Variants in FIBCD1 observed in about 807,000 individuals in gnomAD.
FIBCD1 encodes the protein fibrinogen C domain containing 1, also known as fibrinogen C domain-containing protein 1.
FIBCD1 carries 47 observed loss-of-function variants against 45.1 expected under a neutral mutation model. The ratio of observed to expected loss-of-function variants is 1.04; its 90% CI spans 0.82 to 1.33. FIBCD1 has a LOEUF of 1.33. Among genes scored for constraint, FIBCD1 ranks in the 40% most tolerant of loss-of-function variants. The pLI is 0.00. For missense variants in FIBCD1, 653 were observed against 682.2 expected (o/e 0.96, Z 0.48); for synonymous variants, 313 against 308.1 (o/e 1.02, Z -0.17).
rs1832367349 is a variant in FIBCD1 at position 130,926,663 on chromosome 9, T to C, written c.553-2267A>G. Among the ~76,000 whole-genome samples the C allele has an allele frequency of 1.3e-5, 2 of 151,390 alleles. No homozygotes were observed. Among genetic ancestry groups the C allele is most frequent in the Admixed American group, 6.6e-5 (1 of 15,202 alleles). On this transcript the variant is annotated intron_variant, in intron 2 of 6. Coordinates refer to ENST00000372338, the MANE Select transcript of FIBCD1 (RefSeq NM_032843.5). The surrounding 1 kb of genome is among the most constrained non-coding windows in gnomAD (Gnocchi z 4.1). ...GGTGAAACTCTGTGTCTACTAAAAA[T>C]ACAAAAAAATTAGCCGGGCGTGGTG...
Position 130,929,920 on chromosome 9 carries a change from C to G in FIBCD1, c.199G>C (p.Val67Leu). 6.5e-7 allele frequency: 1 copy of G among 1,549,122 alleles called. No individual in the cohort carries two copies. Among genetic ancestry groups the G allele is most frequent in the Non-Finnish European group, 8.7e-7 (1 of 1,146,336 alleles). Residue 67 changes from valine to leucine, a missense_variant, in exon 2 of 7, where the codon GTC (valine) becomes CTC (leucine). By Grantham distance (32) the Val-to-Leu change is conservative (BLOSUM62 1). Transcript: ENST00000372338. Reference protein sequence around the residue: ...AHAPGTAPPPVVSTGAASANS... With the variant: ...AHAPGTAPPPLVSTGAASANS... ...GCGCTGGCAGCCCCAGTGCTGACGA[C>G]AGGTGGGGGCGCCGTGCCCGGCGCG...
Position 130,924,345 on chromosome 9 carries a change from C to CGCT in FIBCD1, c.601_603dup (p.Ser201dup). 2 of 1,609,050 alleles carry CGCT rather than the reference C, an allele frequency of 1.2e-6. No homozygotes were observed. The highest frequency in any genetic ancestry group is 1.7e-6 in the Non-Finnish European group (2 of 1,178,892). On this transcript the variant is annotated inframe_insertion, in exon 3 of 7. Coordinates refer to ENST00000372338, the MANE Select transcript of FIBCD1 (RefSeq NM_032843.5). ...TCCCTCTGCAGGGCATCCAGGATGT[C>CGCT]GCTGACGGAGTTCACCAGGTGAGCC...
chr9:130,924,949 A>G (rs576854591), intron 2 of FIBCD1, among the ~76,000 whole-genome samples: 2 of 152,232 alleles, frequency 1.3e-5, no homozygotes, highest in East Asian at 1.9e-4. Context: ...AAGTTCCCAC[A>G]GCACCTTCCA....
chr9:130,904,037 G>C lies in FIBCD1; in HGVS notation c.*27C>G, dbSNP rs772387555. ...GTCGGGGATGGGGCGACAGGGACCA[G>C]CAGGGCCAAGGACAAGGTGCACCAG... On this transcript the variant is annotated 3_prime_UTR_variant, in exon 7 of 7. Transcript: ENST00000372338. 19 of 1,609,196 alleles carry C rather than the reference G, an allele frequency of 1.2e-5. No individual in the cohort carries two copies. Among genetic ancestry groups the C allele is most frequent in the Non-Finnish European group, 1.6e-5 (19 of 1,178,532 alleles).
chr9:130,932,049 G>A (rs1034008398), intron 1 of FIBCD1, among the ~76,000 whole-genome samples: 1 of 152,234 alleles, frequency 6.6e-6, no homozygotes, highest in Non-Finnish European at 1.5e-5. Context: ...TGTCGTCAAT[G>A]CTGGGACGCA....
intron 2 of FIBCD1, 142 bp downstream of exon 2, chr9:130,929,425 T>C: frequency 9.0e-7 from 1 of 1,115,290 alleles, no homozygotes; most frequent in Non-Finnish European, 1.2e-6. Flanking sequence ...TGGGCTTGTC[T>C]GTAGATGGGA....
intron 4 of FIBCD1, among the ~76,000 whole-genome samples, chr9:130,921,525 G>A (rs369537591): frequency 7.9e-5 from 12 of 152,236 alleles, no homozygotes; most frequent in South Asian, 2.1e-4. Context: ...CAGGGCTGGC[G>A]GGGATTTCCT....
chr9:130,921,181 C>T (rs1317157017), intron 4 of FIBCD1, among the ~76,000 whole-genome samples: 1 of 152,226 alleles, frequency 6.6e-6, no homozygotes, highest in Non-Finnish European at 1.5e-5. Flanking sequence ...TGTCCAGCCC[C>T]AGGGTCTCGG....
intron 3 of FIBCD1, 149 bp from the exon 4 acceptor site, chr9:130,924,029 C>T (rs901715458): frequency 2.2e-6 from 3 of 1,364,636 alleles, no homozygotes; most frequent in Non-Finnish European, 3.0e-6. Flanking sequence ...GGCTCTGCCA[C>T]TCCCTGCTGT....
At chr9:130,923,597 C>T in intron 4 of FIBCD1, 147 bp downstream of exon 4, 1 of 1,280,726 alleles carries the variant, frequency 7.8e-7, no homozygotes, top group Admixed American at 2.1e-5. Context: ...TGGGGTCAGG[C>T]CAGGCAGAAG....
At chr9:130,934,515 C>T (rs1832490189) in intron 1 of FIBCD1, among the ~76,000 whole-genome samples, 1 of 152,184 alleles carries the variant, frequency 6.6e-6, no homozygotes, top group Non-Finnish European at 1.5e-5. Flanking sequence ...CCAGCCTCTG[C>T]CCCTCCGGGA....
chr9:130,912,723 C>T (rs142700290), intron 4 of FIBCD1, among the ~76,000 whole-genome samples: 472 of 151,668 alleles, frequency 3.1e-3, no homozygotes, highest in Middle Eastern at 0.014. Flanking sequence ...AAAAGGGAAT[C>T]TCGGTGGGGT....
chr9:130,927,112 G>A (rs1191903149), intron 2 of FIBCD1, among the ~76,000 whole-genome samples: 1 of 152,064 alleles, frequency 6.6e-6, no homozygotes, highest in East Asian at 1.9e-4. Flanking sequence ...ACATGGTGGT[G>A]CACACTTGTA....
intron 2 of FIBCD1, 151 bp downstream of exon 2, chr9:130,929,416 G>A (rs1326129957): frequency 1.2e-5 from 12 of 1,031,164 alleles, no homozygotes; most frequent in African/African-American, 1.7e-5. Context: ...TGAGCTTCAT[G>A]GGCTTGTCTG....
Position 130,926,175 on chromosome 9 carries a change from C to T in FIBCD1, c.553-1779G>A, listed in dbSNP as rs1371948466. Among the ~76,000 whole-genome samples the T allele has an allele frequency of 2.0e-5, 3 of 152,122 alleles. No individual in the cohort carries two copies. Among genetic ancestry groups the T allele is most frequent in the Non-Finnish European group, 4.4e-5 (3 of 68,028 alleles). On this transcript the variant is annotated intron_variant, in intron 2 of 6. Transcript: ENST00000372338. This position sits in a 1 kb window ranked among gnomAD's most constrained non-coding sequence, Gnocchi z 4.1. The stretch of plus-strand genomic sequence containing the variant: ...TGGGGGCCGCCGTGCGATGTGTGTG[C>T]GGCAAACATCACTTGGTTAAGTCAC...
At position 130,929,990 on chromosome 9, in the gene FIBCD1, C is replaced by G; in HGVS notation, c.129G>C (p.Leu43=). The G allele has an allele frequency of 6.5e-7, 1 of 1,542,568 alleles. No individual in the cohort carries two copies. Among genetic ancestry groups the G allele is most frequent in the African/African-American group, 1.4e-5 (1 of 73,484 alleles). Residue 43 remains leucine, a synonymous_variant, in exon 2 of 7, where the codon CTG becomes CTC. Transcript: ENST00000372338. ...GCACGGCACCGGTGACAGCTACAGCCAGCAGCACAGCCAGGGCCAGCAGCA... is the reference window on the plus strand; with the variant it reads ...GCACGGCACCGGTGACAGCTACAGCGAGCAGCACAGCCAGGGCCAGCAGCA... ...CTVLLALAVL[L]AVAVTGAVLF... is the part of the protein sequence containing the mutation.
chr9:130,905,941 T>C (rs1275761869), intron 5 of FIBCD1, among the ~76,000 whole-genome samples: 9 of 152,178 alleles, frequency 5.9e-5, no homozygotes, highest in Admixed American at 2.0e-4. Flanking sequence ...TGTGGGTATT[T>C]ATCTTTCAGG....
intron 1 of FIBCD1, 124 bp downstream of exon 1, chr9:130,938,412 C>T (rs1020015865): frequency 9.0e-6 from 7 of 774,496 alleles, no homozygotes; most frequent in Non-Finnish European, 1.3e-5. Flanking sequence ...CCGGCCCGGG[C>T]CTCCGGAGCC....
intron 5 of FIBCD1, 90 bp from the exon 6 acceptor site, chr9:130,905,503 C>T: frequency 7.5e-7 from 1 of 1,335,936 alleles, no homozygotes; most frequent in Non-Finnish European, 1.0e-6. Context: ...TGAGCTCATG[C>T]AGTTGGGGAC....
Sources: allele counts gnomAD v4.1 joint callset (sites outside exome capture counted in the v4.1 genomes callset), GRCh38; gene constraint gnomAD v4.1.1; non-coding constraint Gnocchi (gnomAD v3.1); transcripts MANE v1.5; gene names NCBI Gene and HGNC (gene_info 2026-07-23, HGNC 2026-07-21).